The following COL4A5 variants were observed in gnomAD, a reference collection of about 807,000 sequenced individuals.
COL4A5 encodes collagen type IV alpha 5 chain.
Under a neutral mutation model 130.2 loss-of-function variants are expected in COL4A5, and 26 were observed. The observed-to-expected ratio is 0.20, with a 90% CI of 0.15 to 0.28. The LOEUF (loss-of-function observed/expected upper bound fraction) is 0.28. COL4A5 is among the 10% of genes least tolerant of loss of function. COL4A5 has a pLI of 1.00. For missense variants in COL4A5, 1,131 were observed against 1,344.3 expected (o/e 0.84, Z 2.48); for synonymous variants, 496 against 439.6 (o/e 1.13, Z -1.60).
rs373868932 is a variant in COL4A5 at position 108,442,637 on chromosome X, A to G, written c.81+2431A>G. 2.2e-4 allele frequency among the ~76,000 whole-genome samples: 24 copies of G among 111,310 alleles called. No individual in the cohort carries two copies. In the South Asian group the frequency reaches 8.0e-3, roughly 37 times the overall value. On this transcript the variant is annotated intron_variant, in intron 1 of 52. Transcript: ENST00000328300. ...TATTTTTGTCTACTTTAAACGTACT[A>G]TCTTCCTTGTGACCAGCGGCACGAA...
chrX:108,499,822 A>C (rs2065063878), intron 1 of COL4A5, among the ~76,000 whole-genome samples: 1 of 111,851 alleles, frequency 8.9e-6, no homozygotes, highest in South Asian at 3.7e-4. Flanking sequence ...GTATACAAAC[A>C]TATGTATACG....
At chrX:108,595,719 A>G (rs1461296101) in intron 22 of COL4A5, 118 bp downstream of exon 22, 30 of 542,892 alleles carry the variant, frequency 5.5e-5, no homozygotes, top group Non-Finnish European at 7.7e-5. Context: ...TCTATAAAGA[A>G]TTAAGTATGA....
intron 52 of COL4A5, 78 bp downstream of exon 52, chrX:108,695,517 G>T: frequency 2.0e-6 from 2 of 982,239 alleles, no homozygotes; most frequent in Non-Finnish European, 2.9e-6. Flanking sequence ...ATTTATGGAT[G>T]GTTTATCCTC....
At chrX:108,522,472 A>G (rs2059584573) in intron 1 of COL4A5, among the ~76,000 whole-genome samples, 2 of 99,804 alleles carry the variant, frequency 2.0e-5, no homozygotes, top group South Asian at 1.0e-3. Flanking sequence ...GATTATAGCT[A>G]TCTAGTGTGC....
At position 108,627,035 on chromosome X, in the gene COL4A5, A is replaced by G. The variant is rs940391172; in HGVS notation, c.3246+686A>G. ...AAAGTTCCCAGTGATATAAGAATTT[A>G]TTGAATTGTATGTAAGGATAATTTT... On this transcript the variant is annotated intron_variant, in intron 36 of 52. Coordinates refer to ENST00000328300, the MANE Select transcript of COL4A5 (RefSeq NM_033380.3). 9 of 702,281 alleles carry G rather than the reference A, an allele frequency of 1.3e-5. No individual in the cohort carries two copies. In the South Asian group the frequency reaches 2.2e-4, roughly 17 times the overall value. The allele number at this position is 702,281 out of a possible 1,213,427, so 57.9% of individuals were successfully genotyped here. A position where few individuals can be genotyped will look rare whatever the true frequency, so the allele number is the denominator to read the frequency against.
intron 2 of COL4A5, among the ~76,000 whole-genome samples, chrX:108,544,527 A>G: frequency 9.0e-6 from 1 of 111,289 alleles, no homozygotes; most frequent in South Asian, 3.8e-4. Flanking sequence ...TTTATTGAGA[A>G]TTTTTGCATC....
chrX:108,548,658 G>A (rs1408322527), intron 2 of COL4A5, among the ~76,000 whole-genome samples: 1 of 110,777 alleles, frequency 9.0e-6, no homozygotes, highest in Non-Finnish European at 1.9e-5. Context: ...TAAAAACGAA[G>A]AAAACTATAC....
rs2064379 is a variant in COL4A5 at position 108,615,169 on chromosome X, T to A, written c.2509+145T>A. The A allele has an allele frequency of 0.043, 21,566 of 503,237 alleles. 1,965 individuals are homozygous for A. Among genetic ancestry groups the A allele is most frequent in the African/African-American group, 0.34 (14,285 of 42,595 alleles). 41.5% of individuals were successfully genotyped at this position (503,237 alleles called of 1,213,427 possible). On this transcript the variant is annotated intron_variant, in intron 30 of 52. Transcript: ENST00000328300. ...ATGTGTATGATTTTATAAAAGTGGA[T>A]AAGTACAAGCCACAGCATAAAAGCT...
intron 1 of COL4A5, among the ~76,000 whole-genome samples, chrX:108,524,327 GT>G (rs993963817): frequency 1.1e-4 from 12 of 110,152 alleles, no homozygotes; most frequent in Admixed American, 3.9e-4. Context: ...CCCTTATCAA[GT>G]TGAGGAATTT....
chrX:108,541,103 ATTTG>A (rs1245306904), intron 2 of COL4A5, among the ~76,000 whole-genome samples: 1 of 111,902 alleles, frequency 8.9e-6, no homozygotes, highest in Non-Finnish European at 1.9e-5. Flanking sequence ...AAAGAAACCT[ATTTG>A]TTTGTTTTGT....
chrX:108,575,708 G>C (rs1301535027), intron 9 of COL4A5, among the ~76,000 whole-genome samples: 1 of 111,850 alleles, frequency 8.9e-6, no homozygotes, highest in Non-Finnish European at 1.9e-5. Context: ...CTGGTGGCAG[G>C]TGCCTGTAAT....
chrX:108,465,369 A>G (rs890961372), intron 1 of COL4A5, among the ~76,000 whole-genome samples: 1 of 111,869 alleles, frequency 8.9e-6, no homozygotes, highest in African/African-American at 3.2e-5. Flanking sequence ...TCATGTGGTT[A>G]TTGGCCATTC....
intron 19 of COL4A5, among the ~76,000 whole-genome samples, chrX:108,590,179 A>C (rs1228962087): frequency 9.0e-6 from 1 of 111,576 alleles, no homozygotes; most frequent in Non-Finnish European, 1.9e-5. Flanking sequence ...CTGATTATCT[A>C]CCAGAAAGCT....
At chrX:108,596,569 G>C (rs1224716563) in intron 22 of COL4A5, among the ~76,000 whole-genome samples, 1 of 112,186 alleles carries the variant, frequency 8.9e-6, no homozygotes, top group Non-Finnish European at 1.9e-5. Context: ...TTCAGGGAAT[G>C]ACAAACCAAA....
chrX:108,678,471 C>T (rs768850424), intron 44 of COL4A5, among the ~76,000 whole-genome samples: 38 of 111,201 alleles, frequency 3.4e-4, no homozygotes, highest in Non-Finnish European at 5.8e-4. Context: ...CCTGCTATAC[C>T]CCTTTACCAC....
chrX:108,472,971 TG>T (rs2064789256), intron 1 of COL4A5, among the ~76,000 whole-genome samples: 1 of 111,767 alleles, frequency 8.9e-6, no homozygotes, highest in Admixed American at 9.5e-5. Context: ...CTAACAGGTG[TG>T]GGGTGTTATT....
chrX:108,550,212 C>T lies in COL4A5; in HGVS notation c.142-8852C>T, dbSNP rs755932016. On this transcript the variant is annotated intron_variant, in intron 2 of 52. Coordinates refer to ENST00000328300, the MANE Select transcript of COL4A5 (RefSeq NM_033380.3). The stretch of plus-strand genomic sequence containing the variant: ...AAGCCCTGATACCAAAACCAAGCAA[C>T]GACAAAATTACAGAAACAGAAAACG... 1.0e-3 allele frequency among the ~76,000 whole-genome samples: 116 copies of T among 111,300 alleles called. 1 individual carries two copies. Among genetic ancestry groups the T allele is most frequent in the African/African-American group, 3.2e-3 (98 of 30,766 alleles).
chrX:108,539,636 C>A, intron 1 of COL4A5, 110 bp from the exon 2 acceptor site: 1 of 631,405 alleles, frequency 1.6e-6, no homozygotes, highest in Non-Finnish European at 2.7e-6. Flanking sequence ...AGATATTTTT[C>A]TGGTATCTAT....
chrX:108,644,919 C>CAAAAAAAAAAAAAAAAAAAA (rs778790757), intron 36 of COL4A5, among the ~76,000 whole-genome samples: 1 of 47,544 alleles, frequency 2.1e-5, no homozygotes, highest in Non-Finnish European at 5.2e-5. Flanking sequence ...ACAACAACAA[C>CAAAAAAAAAAAAAAAAAAAA]AAAAAAAAAA....
Sources: gnomAD v4.1 joint callset for allele counts (sites outside exome capture counted in the v4.1 genomes callset) on GRCh38, gnomAD v4.1.1 for gene constraint, MANE v1.5 for transcripts, NCBI Gene and HGNC (gene_info 2026-07-23, HGNC 2026-07-21) for gene names.